TRAPPC9: variants seen among roughly 807,000 people sequenced by gnomAD.
TRAPPC9 encodes IKK2 binding protein.
TRAPPC9 carries 83 observed loss-of-function variants against 124.0 expected under a neutral mutation model. That is an observed-to-expected ratio of 0.67 (90% confidence interval 0.56 to 0.80). The LOEUF is 0.80. TRAPPC9 is among the 30% of genes least tolerant of loss of function. TRAPPC9 has a pLI of 0.00. For synonymous variants in TRAPPC9, 638 were observed against 617.5 expected, an observed-to-expected ratio of 1.03 and a Z score of -0.49; for missense variants, 1,302 against 1,508.3, an observed-to-expected ratio of 0.86 and a Z score of 2.27.
intron 13 of TRAPPC9, 86 bp from the exon 14 acceptor site, chr8:140,284,107 C>T: frequency 1.3e-6 from 2 of 1,574,058 alleles, no homozygotes; most frequent in East Asian, 2.2e-5. Context: ...GAGTACGGGG[C>T]TCCTCTTCAG....
chr8:140,306,534 G>GAAAAAAAAA (rs2066142448), intron 10 of TRAPPC9, among the ~76,000 whole-genome samples: 1 of 151,348 alleles, frequency 6.6e-6, no homozygotes, highest in Non-Finnish European at 1.5e-5. Context: ...ATGGAGCAAG[G>GAAAAAAAAA]ACATCACATC....
intron 21 of TRAPPC9, among the ~76,000 whole-genome samples, chr8:139,752,180 G>A (rs534866078): frequency 1.2e-4 from 16 of 132,852 alleles, no homozygotes; most frequent in Admixed American, 3.0e-4. Flanking sequence ...CCATCTATCC[G>A]CCATCCATCC....
At chr8:140,415,904 T>C (rs1446989060) in intron 5 of TRAPPC9, among the ~76,000 whole-genome samples, 4 of 152,066 alleles carry the variant, frequency 2.6e-5, no homozygotes, top group Non-Finnish European at 5.9e-5. Context: ...ACGACTATAG[T>C]GAACTATGAC....
At chr8:139,913,891 C>T (rs1587191343) in intron 19 of TRAPPC9, 1 of 152,626 alleles carries the variant, frequency 6.6e-6, no homozygotes. Flanking sequence ...AGCCCCTAAA[C>T]CTGAGCCCCC....
At chr8:140,268,912 C>T (rs1005782069) in intron 15 of TRAPPC9, among the ~76,000 whole-genome samples, 13 of 152,136 alleles carry the variant, frequency 8.5e-5, no homozygotes, top group African/African-American at 2.4e-4. Flanking sequence ...CCACAGTGCT[C>T]CCCACCTTCT....
chr8:139,948,825 C>CT (rs1472706979), intron 19 of TRAPPC9, among the ~76,000 whole-genome samples: 1 of 152,168 alleles, frequency 6.6e-6, no homozygotes, highest in Non-Finnish European at 1.5e-5. Flanking sequence ...CACCTGTAAC[C>CT]TCAGCACTTT....
chr8:140,376,056 T>C lies in TRAPPC9; in HGVS notation c.1135-4876A>G, dbSNP rs191406303. 1.4e-4 allele frequency among the ~76,000 whole-genome samples: 22 copies of C among 152,352 alleles called. No homozygotes were observed. The East Asian group carries it at 4.0e-3, about 28-fold the overall frequency. On this transcript the variant is annotated intron_variant, in intron 7 of 22. Coordinates refer to ENST00000438773, the MANE Select transcript of TRAPPC9 (RefSeq NM_001160372.4). ...AAAAAAGTTTGTTAAAAACATAACCTACTTTCTCATATCCCGGAGTAGGGG... is the reference window on the plus strand; with the variant it reads ...AAAAAAGTTTGTTAAAAACATAACCCACTTTCTCATATCCCGGAGTAGGGG...
chr8:140,158,565 A>C (rs893441979), intron 17 of TRAPPC9, among the ~76,000 whole-genome samples: 1 of 152,260 alleles, frequency 6.6e-6, no homozygotes, highest in African/African-American at 2.4e-5. Flanking sequence ...TAAGCCACTG[A>C]GTTTATAGTA....
intron 21 of TRAPPC9, among the ~76,000 whole-genome samples, chr8:139,829,656 C>T (rs895914648): frequency 6.6e-6 from 1 of 152,130 alleles, no homozygotes; most frequent in Non-Finnish European, 1.5e-5. Context: ...GAGGGAGGGC[C>T]CTTCCAGCTC....
chr8:139,831,584 G>A (rs1179880373), intron 21 of TRAPPC9, among the ~76,000 whole-genome samples: 2 of 152,122 alleles, frequency 1.3e-5, no homozygotes, highest in Non-Finnish European at 2.9e-5. Context: ...TCCTACCCAA[G>A]CTCCCCACCC....
chr8:139,883,614 TA>T (rs1349394625), intron 21 of TRAPPC9, among the ~76,000 whole-genome samples: 1 of 152,258 alleles, frequency 6.6e-6, no homozygotes, highest in Non-Finnish European at 1.5e-5. Flanking sequence ...TGTAAATTTT[TA>T]AAGGATGTTC....
In TRAPPC9 at chr8:139,988,841, G is replaced by T; in HGVS notation, c.2700-5C>A. The T allele has an allele frequency of 6.5e-7, 1 of 1,539,440 alleles. No individual in the cohort carries two copies. The highest frequency in any genetic ancestry group is 8.8e-7 in the Non-Finnish European group (1 of 1,136,538). On this transcript the variant is annotated splice_region_variant and splice_polypyrimidine_tract_variant and intron_variant, in intron 18 of 22. Transcript: ENST00000438773. Reference sequence around the variant, plus strand: ...AGCAGGTGACACTGCCGGGTACTGCGTTAAAGAAAAAAGAAAGTTCAGAAT... The same window carrying T: ...AGCAGGTGACACTGCCGGGTACTGCTTTAAAGAAAAAAGAAAGTTCAGAAT...
chr8:140,371,276 T>TGAGGAGAATC lies in TRAPPC9; in HGVS notation c.1135-106_1135-97dup, dbSNP rs891723832. On this transcript the variant is annotated intron_variant, in intron 7 of 22. Coordinates refer to ENST00000438773, the MANE Select transcript of TRAPPC9 (RefSeq NM_001160372.4). The stretch of plus-strand genomic sequence containing the variant: ...AATGTCTCTTCATAAAACAAAGACC[T>TGAGGAGAATC]GAGGAGAATCGAGGAGAATCAAGGA... The TGAGGAGAATC allele has an allele frequency of 3.1e-5, 39 of 1,246,448 alleles. No individual in the cohort carries two copies. In the African/African-American group the frequency reaches 5.4e-4, roughly 17 times the overall value. The allele number at this position is 1,246,448 out of a possible 1,614,324, so 77.2% of individuals were successfully genotyped here.
At chr8:140,282,482 G>A (rs936436086) in intron 14 of TRAPPC9, among the ~76,000 whole-genome samples, 6 of 140,678 alleles carry the variant, frequency 4.3e-5, no homozygotes, top group African/African-American at 8.2e-5. Flanking sequence ...CAGCCTGGGC[G>A]ACAGAGCCAG....
At position 139,911,016 on chromosome 8, in the gene TRAPPC9, A is replaced by T. The variant is rs1055911088; in HGVS notation, c.2811-716T>A. ...TGGTTTTGAAATGTGAAGATATGAG[A>T]CTTGGGAGGGGCCAGGGGCAGAATG... On this transcript the variant is annotated intron_variant, in intron 19 of 22. Transcript: ENST00000438773. Among the ~76,000 whole-genome samples the T allele has an allele frequency of 1.1e-4, 16 of 152,244 alleles. No homozygotes were observed. The Middle Eastern group carries it at 0.01, about 97-fold the overall frequency.
Position 140,252,510 on chromosome 8 carries a change from C to A in TRAPPC9, c.2431+267G>T. ...GAAAAAACGCAGTAATTCCTACATTCCACTAATTTAGAATGACCTGCTGGT... is the reference window on the plus strand; with the variant it reads ...GAAAAAACGCAGTAATTCCTACATTACACTAATTTAGAATGACCTGCTGGT... On this transcript the variant is annotated intron_variant, in intron 16 of 22. Transcript: ENST00000438773. The surrounding 1 kb of genome is among the most constrained non-coding windows in gnomAD (Gnocchi z 4.2). The A allele has an allele frequency of 4.7e-6, 2 of 421,668 alleles. No individual in the cohort carries two copies. The highest frequency in any genetic ancestry group is 2.0e-5 in the African/African-American group (1 of 50,024). 26.1% of individuals were successfully genotyped at this position (421,668 alleles called of 1,614,324 possible).
At chr8:139,889,601 C>A (rs1830210781) in intron 20 of TRAPPC9, among the ~76,000 whole-genome samples, 1 of 152,206 alleles carries the variant, frequency 6.6e-6, no homozygotes, top group Non-Finnish European at 1.5e-5. Context: ...AAATGTTTCA[C>A]ACTCCTGAGC....
chr8:140,457,869 G>A (rs1564039959), upstream of TRAPPC9: 5 of 1,052,404 alleles, frequency 4.8e-6, no homozygotes, highest in Admixed American at 4.3e-5. Flanking sequence ...AAAGAGGAAG[G>A]AGGAGCGAGG....
chr8:140,369,026 T>C (rs2132228954), intron 8 of TRAPPC9, among the ~76,000 whole-genome samples: 1 of 152,322 alleles, frequency 6.6e-6, no homozygotes, highest in Non-Finnish European at 1.5e-5. Flanking sequence ...CATGGCTGCT[T>C]TCACACCACA....
Sources: allele counts gnomAD v4.1 joint callset (sites outside exome capture counted in the v4.1 genomes callset), GRCh38; gene constraint gnomAD v4.1.1; non-coding constraint Gnocchi (gnomAD v3.1); transcripts MANE v1.5; gene names NCBI Gene and HGNC (gene_info 2026-07-23, HGNC 2026-07-21).